PTPRD: variants seen among roughly 807,000 people sequenced by gnomAD.
PTPRD encodes protein tyrosine phosphatase receptor type D, also known as receptor-type tyrosine-protein phosphatase delta.
PTPRD carries 34 observed loss-of-function variants against 214.5 expected under a neutral mutation model. That is an observed-to-expected ratio of 0.16 (90% confidence interval 0.12 to 0.21). The LOEUF (loss-of-function observed/expected upper bound fraction) is 0.21. PTPRD is among the 10% of genes least tolerant of loss of function. The pLI is 1.00. For synonymous variants in PTPRD, 1,128 were observed against 845.7 expected (o/e 1.33, Z -5.79); for missense variants, 2,545 against 2,398.7 (o/e 1.06, Z -1.27).
Position 10,155,887 on chromosome 9 carries a change from G to T in PTPRD, c.-544-122097C>A, listed in dbSNP as rs77835444. Among the ~76,000 whole-genome samples, 28 of 152,158 alleles carry T rather than the reference G, an allele frequency of 1.8e-4. No individual in the cohort carries two copies. In the East Asian group the frequency reaches 5.4e-3, roughly 29 times the overall value. Reference sequence around the variant, plus strand: ...GATTTTTGTATCAATGTTCATCAAGGATGGTGGCCTTAAGTTGTCTTTTTG... The same window carrying T: ...GATTTTTGTATCAATGTTCATCAAGTATGGTGGCCTTAAGTTGTCTTTTTG... On this transcript the variant is annotated intron_variant, in intron 3 of 45. Coordinates refer to ENST00000381196, the MANE Select transcript of PTPRD (RefSeq NM_002839.4).
chr9:9,287,733 C>T (rs985192208), intron 9 of PTPRD, among the ~76,000 whole-genome samples: 1 of 151,786 alleles, frequency 6.6e-6, no homozygotes, highest in Non-Finnish European at 1.5e-5. Context: ...TGAATAGGAG[C>T]ACAGAAGATA....
At position 8,880,449 on chromosome 9, in the gene PTPRD, G is replaced by A. The variant is rs190111944; in HGVS notation, c.-104+138248C>T. Among the ~76,000 whole-genome samples the A allele has an allele frequency of 1.0e-3, 159 of 152,120 alleles. 1 individual carries two copies. Among genetic ancestry groups the A allele is most frequent in the African/African-American group, 3.6e-3 (149 of 41,488 alleles). On this transcript the variant is annotated intron_variant, in intron 11 of 45. Coordinates refer to ENST00000381196, the MANE Select transcript of PTPRD (RefSeq NM_002839.4). The stretch of plus-strand genomic sequence containing the variant: ...AAGATGATGATGAAGCACAGCATAC[G>A]ATCAACTCCTCCTTACTGATTTTAA...
At chr9:10,563,961 T>G (rs188081934) in intron 2 of PTPRD, among the ~76,000 whole-genome samples, 3 of 151,918 alleles carry the variant, frequency 2.0e-5, no homozygotes, top group Admixed American at 2.0e-4. Flanking sequence ...CCACTTATTT[T>G]GAAACATCAT....
At chr9:9,294,397 T>C (rs915650416) in intron 9 of PTPRD, among the ~76,000 whole-genome samples, 3 of 151,740 alleles carry the variant, frequency 2.0e-5, no homozygotes, top group African/African-American at 7.3e-5. Context: ...AAAGTAACTT[T>C]TATGTGGCTC....
At chr9:8,685,075 G>A (rs2097651499) in intron 12 of PTPRD, among the ~76,000 whole-genome samples, 1 of 152,002 alleles carries the variant, frequency 6.6e-6, no homozygotes, top group Non-Finnish European at 1.5e-5. Context: ...TTTTTCAAGG[G>A]CAACAGCATT....
chr9:9,524,298 G>T (rs943723294), intron 8 of PTPRD, among the ~76,000 whole-genome samples: 1 of 151,822 alleles, frequency 6.6e-6, no homozygotes, highest in Non-Finnish European at 1.5e-5. Context: ...TCCCTCTCCA[G>T]TCTCTCTCTT....
chr9:10,393,915 T>G (rs1237207892), intron 2 of PTPRD, among the ~76,000 whole-genome samples: 1 of 148,366 alleles, frequency 6.7e-6, no homozygotes, highest in Admixed American at 6.8e-5. Flanking sequence ...ATATACATTA[T>G]GCTTGATTAT....
intron 11 of PTPRD, among the ~76,000 whole-genome samples, chr9:8,809,344 G>A (rs1276663128): frequency 6.6e-6 from 1 of 152,060 alleles, no homozygotes; most frequent in Non-Finnish European, 1.5e-5. Context: ...AGGTAGCCAG[G>A]GTAGAAATTG....
intron 9 of PTPRD, among the ~76,000 whole-genome samples, chr9:9,385,631 G>A (rs1034313104): frequency 2.6e-5 from 4 of 152,098 alleles, no homozygotes; most frequent in Non-Finnish European, 5.9e-5. Flanking sequence ...TGCCCAGACT[G>A]GACAAACCTT....
chr9:9,701,801 A>G (rs1055722604), intron 7 of PTPRD, among the ~76,000 whole-genome samples: 1 of 152,172 alleles, frequency 6.6e-6, no homozygotes, highest in African/African-American at 2.4e-5. Flanking sequence ...GAAGCTTTCT[A>G]TATAAACTGA....
At chr9:8,757,275 T>C (rs1230315445) in intron 11 of PTPRD, among the ~76,000 whole-genome samples, 6 of 152,192 alleles carry the variant, frequency 3.9e-5, no homozygotes, top group East Asian at 3.9e-4. Flanking sequence ...TCTGAAAATA[T>C]AGGGAATGTG....
intron 2 of PTPRD, among the ~76,000 whole-genome samples, chr9:10,375,522 C>T (rs745399076): frequency 1.3e-5 from 2 of 151,986 alleles, no homozygotes; most frequent in African/African-American, 2.4e-5. Context: ...ATCAGACATG[C>T]GATGAATCCC....
At chr9:8,325,935 C>G (rs544516290) in intron 44 of PTPRD, among the ~76,000 whole-genome samples, 66 of 152,152 alleles carry the variant, frequency 4.3e-4, no homozygotes, top group African/African-American at 1.4e-3. Context: ...CTGAGACTTT[C>G]CTGAAGTTGC....
intron 7 of PTPRD, among the ~76,000 whole-genome samples, chr9:9,649,746 A>G (rs939272655): frequency 1.3e-5 from 2 of 152,182 alleles, no homozygotes; most frequent in African/African-American, 4.8e-5. Context: ...ACAATTACAG[A>G]TATATTTACC....
intron 12 of PTPRD, among the ~76,000 whole-genome samples, chr9:8,675,685 G>A (rs1007963816): frequency 7.2e-5 from 11 of 151,860 alleles, no homozygotes; most frequent in Non-Finnish European, 1.6e-4. Context: ...TAAGCTTGTG[G>A]ACCCATCATC....
At chr9:8,950,678 C>G (rs922729217) in intron 11 of PTPRD, among the ~76,000 whole-genome samples, 1 of 151,492 alleles carries the variant, frequency 6.6e-6, no homozygotes, top group African/African-American at 2.4e-5. Flanking sequence ...GAATCCTATA[C>G]ACTATTAACA....
At chr9:9,318,562 A>G (rs575286076) in intron 9 of PTPRD, among the ~76,000 whole-genome samples, 1 of 152,326 alleles carries the variant, frequency 6.6e-6, no homozygotes, top group Admixed American at 6.5e-5. Flanking sequence ...GATCTATCCT[A>G]GAAAACACTA....
At chr9:9,711,800 T>A (rs969294972) in intron 7 of PTPRD, among the ~76,000 whole-genome samples, 2 of 152,160 alleles carry the variant, frequency 1.3e-5, no homozygotes, top group Non-Finnish European at 2.9e-5. Flanking sequence ...AAACTCTGCC[T>A]TTCAAACAGC....
intron 4 of PTPRD, among the ~76,000 whole-genome samples, chr9:10,019,416 C>A (rs2096796826): frequency 6.6e-6 from 1 of 152,094 alleles, no homozygotes; most frequent in Non-Finnish European, 1.5e-5. Context: ...ACCCAGCCAT[C>A]CCATTACTGG....
Sources: allele counts gnomAD v4.1 joint callset (sites outside exome capture counted in the v4.1 genomes callset), GRCh38; gene constraint gnomAD v4.1.1; transcripts MANE v1.5; gene names NCBI Gene and HGNC (gene_info 2026-07-23, HGNC 2026-07-21).